The following DIAPH3 variants were observed in gnomAD, a reference collection of about 807,000 sequenced individuals.
The protein encoded by DIAPH3 is diaphanous related formin 3.
A neutral mutation model predicts 144.3 loss-of-function variants in DIAPH3; 117 were observed. That is an observed-to-expected ratio of 0.81 (90% CI 0.70 to 0.95). DIAPH3 has a LOEUF of 0.95. Among genes scored for constraint, DIAPH3 ranks in the 40% least tolerant of loss-of-function variants. The pLI is 0.00. For missense variants in DIAPH3, 1,421 were observed against 1,412.7 expected (o/e 1.01, Z -0.09); for synonymous variants, 519 against 488.9 (o/e 1.06, Z -0.81).
Position 59,879,599 on chromosome 13 carries a change from T to C in DIAPH3, c.2368-131A>G, listed in dbSNP as rs538556712. Reference sequence around the variant, plus strand: ...GAAGAAATATGTCTCCTAAAACTGATAGCAGGAAGAGAGAAAAGCCCTGCT... The same window carrying C: ...GAAGAAATATGTCTCCTAAAACTGACAGCAGGAAGAGAGAAAAGCCCTGCT... On this transcript the variant is annotated intron_variant, in intron 20 of 27. Transcript: ENST00000400324. The C allele has an allele frequency of 9.0e-5, 116 of 1,286,586 alleles. No homozygotes were observed. The African/African-American group carries it at 1.3e-3, about 15-fold the overall frequency. 79.7% of individuals were successfully genotyped at this position (1,286,586 alleles called of 1,614,324 possible).
At chr13:59,946,250 T>C (rs1163801888) in intron 17 of DIAPH3, among the ~76,000 whole-genome samples, 2 of 152,164 alleles carry the variant, frequency 1.3e-5, no homozygotes, top group African/African-American at 2.4e-5. Context: ...AAGCATTGTG[T>C]TCCTATTATA....
chr13:59,682,452 G>A (rs75657045), intron 27 of DIAPH3, among the ~76,000 whole-genome samples: 6,683 of 152,206 alleles, frequency 0.044, 226 homozygotes, highest in South Asian at 0.1. Flanking sequence ...CTCCTGAGTA[G>A]CTGGGATTAC....
intron 17 of DIAPH3, 38 bp downstream of exon 17, chr13:59,969,906 A>C (rs769454096): frequency 3.0e-6 from 4 of 1,315,856 alleles, no homozygotes; most frequent in Middle Eastern, 2.1e-4. Context: ...TTAAAATTCT[A>C]AAATCAAATT....
chr13:59,962,403 G>A (rs2049816535), intron 17 of DIAPH3, among the ~76,000 whole-genome samples: 1 of 152,244 alleles, frequency 6.6e-6, no homozygotes, highest in Admixed American at 6.5e-5. Context: ...TAGATGTGCT[G>A]CTCAGATCTC....
intron 25 of DIAPH3, among the ~76,000 whole-genome samples, chr13:59,806,834 C>A (rs1293999121): frequency 6.6e-6 from 1 of 151,648 alleles, no homozygotes; most frequent in Middle Eastern, 3.2e-3. Flanking sequence ...AGTACAATGT[C>A]TTTATTGAAG....
intron 27 of DIAPH3, among the ~76,000 whole-genome samples, chr13:59,703,981 G>A (rs342595): frequency 6.6e-6 from 1 of 151,988 alleles, no homozygotes; most frequent in South Asian, 2.1e-4. Flanking sequence ...AGGCTAAGTT[G>A]CAGTTTTAGC....
chr13:59,971,289 T>A, intron 15 of DIAPH3, 129 bp from the exon 16 acceptor site: 2 of 873,366 alleles, frequency 2.3e-6, no homozygotes, highest in Non-Finnish European at 3.3e-6. Context: ...TCATAAGGTT[T>A]AACCAAAAAT....
intron 20 of DIAPH3, among the ~76,000 whole-genome samples, chr13:59,901,049 T>C (rs1289094641): frequency 1.3e-5 from 2 of 152,224 alleles, no homozygotes; most frequent in Non-Finnish European, 1.5e-5. Context: ...CTACCACTAA[T>C]TCACACATTA....
At chr13:59,775,609 G>A (rs1453029986) in intron 25 of DIAPH3, among the ~76,000 whole-genome samples, 1 of 152,092 alleles carries the variant, frequency 6.6e-6, no homozygotes, top group Non-Finnish European at 1.5e-5. Flanking sequence ...ATATTTCCAT[G>A]CTAACTTTTA....
At chr13:60,000,407 T>C (rs1308964853) in intron 9 of DIAPH3, among the ~76,000 whole-genome samples, 1 of 151,386 alleles carries the variant, frequency 6.6e-6, no homozygotes, top group Non-Finnish European at 1.5e-5. Context: ...GTTATATATA[T>C]CCTACCACAA....
intron 17 of DIAPH3, among the ~76,000 whole-genome samples, chr13:59,966,109 T>G (rs1395348953): frequency 6.6e-6 from 1 of 152,106 alleles, no homozygotes; most frequent in Non-Finnish European, 1.5e-5. Context: ...GAAAATGATG[T>G]AAGTGAATCA....
chr13:60,054,855 A>ATAAC (rs1271289887), intron 4 of DIAPH3, among the ~76,000 whole-genome samples: 2 of 152,026 alleles, frequency 1.3e-5, no homozygotes, highest in East Asian at 3.8e-4. Flanking sequence ...TGCTGTATGA[A>ATAAC]TAACTCATTT....
chr13:59,727,729 C>A (rs2035676177), intron 27 of DIAPH3, among the ~76,000 whole-genome samples: 1 of 152,062 alleles, frequency 6.6e-6, no homozygotes, highest in South Asian at 2.1e-4. Context: ...AATAAATAAA[C>A]CATCATGAAC....
chr13:60,079,026 A>G (rs2057462245), intron 4 of DIAPH3, among the ~76,000 whole-genome samples: 1 of 152,028 alleles, frequency 6.6e-6, no homozygotes, highest in South Asian at 2.1e-4. Flanking sequence ...CTGGAAGCCA[A>G]TACCAGGCTT....
At chr13:59,718,648 A>G (rs1455331096) in intron 27 of DIAPH3, among the ~76,000 whole-genome samples, 2 of 152,246 alleles carry the variant, frequency 1.3e-5, no homozygotes, top group African/African-American at 4.8e-5. Context: ...AAACATTAAT[A>G]TTAACACATG....
chr13:60,106,164 C>T (rs1380012998), intron 3 of DIAPH3, among the ~76,000 whole-genome samples: 1 of 152,068 alleles, frequency 6.6e-6, no homozygotes, highest in Non-Finnish European at 1.5e-5. Context: ...TCTGGAAAAA[C>T]AGCTCTTAGA....
intron 27 of DIAPH3, among the ~76,000 whole-genome samples, chr13:59,749,441 A>G (rs1316144285): frequency 1.5e-5 from 2 of 133,290 alleles, no homozygotes. Flanking sequence ...AATGGCCTGA[A>G]CCCGGGAGGT....
At chr13:59,811,608 G>A (rs1014773793) in intron 24 of DIAPH3, among the ~76,000 whole-genome samples, 25 of 151,664 alleles carry the variant, frequency 1.6e-4, no homozygotes, top group African/African-American at 6.0e-4. Flanking sequence ...GTGGTGGCGG[G>A]TGCCTGTAAT....
chr13:59,924,435 C>G (rs569945014), intron 18 of DIAPH3, among the ~76,000 whole-genome samples: 17 of 151,592 alleles, frequency 1.1e-4, no homozygotes, highest in Non-Finnish European at 2.5e-4. Flanking sequence ...CAATACACTA[C>G]CAATTTTTTT....
Sources: gnomAD v4.1 joint callset for allele counts (sites outside exome capture counted in the v4.1 genomes callset) on GRCh38, gnomAD v4.1.1 for gene constraint, MANE v1.5 for transcripts, NCBI Gene and HGNC (gene_info 2026-07-23, HGNC 2026-07-21) for gene names.